Variants in FIP1L1 observed in about 807,000 individuals in gnomAD.
FIP1L1 encodes the protein factor interacting with PAPOLA and CPSF1, also known as pre-mRNA 3'-end-processing factor FIP1.
Under a neutral mutation model 84.6 loss-of-function variants are expected in FIP1L1, and 21 were observed. That is an observed-to-expected ratio of 0.25 (90% CI 0.18 to 0.36). The LOEUF (loss-of-function observed/expected upper bound fraction) is 0.36. Among genes scored for constraint, FIP1L1 ranks in the 10% least tolerant of loss-of-function variants. The pLI is 1.00. For synonymous variants in FIP1L1, 263 were observed against 242.3 expected (o/e 1.09, Z -0.80); for missense variants, 526 against 751.1 (o/e 0.70, Z 3.50).
chr4:53,413,602 T>A lies in FIP1L1; in HGVS notation c.816-1013T>A, dbSNP rs114582803. On this transcript the variant is annotated intron_variant, in intron 10 of 17. Transcript: ENST00000337488. The stretch of plus-strand genomic sequence containing the variant: ...AACAGATTCAGAACTTTTACTGTTA[T>A]AAGAAAACCTATTCAGTAGTTTAGG... 8.0e-3 allele frequency among the ~76,000 whole-genome samples: 1,214 copies of A among 152,242 alleles called. 16 individuals are homozygous for A. The highest frequency in any genetic ancestry group is 0.028 in the African/African-American group (1,147 of 41,556).
intron 10 of FIP1L1, among the ~76,000 whole-genome samples, chr4:53,402,594 C>T (rs1221765578): frequency 6.6e-6 from 1 of 152,046 alleles, no homozygotes; most frequent in African/African-American, 2.4e-5. Context: ...TCAAGCTACT[C>T]GGGAGGCTGA....
At chr4:53,442,627 T>C (rs747498256) in intron 13 of FIP1L1, 26 bp from the exon 14 acceptor site, 2 of 1,553,600 alleles carry the variant, frequency 1.3e-6, no homozygotes, top group Non-Finnish European at 1.8e-6. Flanking sequence ...TGTTAACATT[T>C]TTTATCTTAT....
intron 13 of FIP1L1, among the ~76,000 whole-genome samples, chr4:53,428,446 G>A (rs1223948134): frequency 2.0e-5 from 3 of 152,092 alleles, no homozygotes; most frequent in Admixed American, 1.3e-4. Context: ...CCAAACTTAA[G>A]TTGCTAATAG....
intron 10 of FIP1L1, among the ~76,000 whole-genome samples, chr4:53,407,450 T>C (rs1327358447): frequency 6.6e-6 from 1 of 152,180 alleles, no homozygotes; most frequent in Non-Finnish European, 1.5e-5. Flanking sequence ...AGTTTTGGAA[T>C]AGGTGTGGTG....
intron 13 of FIP1L1, among the ~76,000 whole-genome samples, chr4:53,437,326 CAAAAAAAA>C (rs55957570): frequency 2.8e-4 from 18 of 64,506 alleles, no homozygotes; most frequent in African/African-American, 5.4e-4. Flanking sequence ...CTGTCTCAAC[CAAAAAAAA>C]AAAAAAAAAA....
In FIP1L1 at chr4:53,379,121, A is replaced by G; in HGVS notation, c.130+4A>G. ...AGTGATTTGGCAAAGGACCTAGGTTAGTGCTTGTGATGATCACTTCAGATT... is the reference window on the plus strand; with the variant it reads ...AGTGATTTGGCAAAGGACCTAGGTTGGTGCTTGTGATGATCACTTCAGATT... On this transcript the variant is annotated splice_donor_region_variant and intron_variant, in intron 2 of 17. Transcript: ENST00000337488. 3 of 1,614,058 alleles carry G rather than the reference A, an allele frequency of 1.9e-6. No individual in the cohort carries two copies. Among genetic ancestry groups the G allele is most frequent in the South Asian group, 1.1e-5 (1 of 91,030 alleles).
intron 3 of FIP1L1, among the ~76,000 whole-genome samples, chr4:53,379,503 A>G (rs1736649447): frequency 6.6e-6 from 1 of 152,224 alleles, no homozygotes; most frequent in African/African-American, 2.4e-5. Context: ...CTGATTTTAC[A>G]CTGTTAAGTA....
intron 16 of FIP1L1, among the ~76,000 whole-genome samples, chr4:53,457,221 A>G (rs1349413489): frequency 6.6e-6 from 1 of 152,080 alleles, no homozygotes; most frequent in Non-Finnish European, 1.5e-5. Context: ...GTAATAGGTA[A>G]TAGCCTCGGT....
At chr4:53,440,715 A>G (rs1319969500) in intron 13 of FIP1L1, 4 of 787,322 alleles carry the variant, frequency 5.1e-6, no homozygotes, top group Admixed American at 4.3e-5. Context: ...GGAATAGGCT[A>G]TGGGGATTTC....
At chr4:53,436,994 A>C (rs1379898538) in intron 13 of FIP1L1, among the ~76,000 whole-genome samples, 1 of 152,142 alleles carries the variant, frequency 6.6e-6, no homozygotes, top group Non-Finnish European at 1.5e-5. Flanking sequence ...GTTCGAGACC[A>C]GCCTGGGCAA....
rs562064423 is a variant in FIP1L1, at chr4:53,393,346, T to G, written c.705+1848T>G. 3.9e-4 allele frequency among the ~76,000 whole-genome samples: 59 copies of G among 152,336 alleles called. No individual in the cohort carries two copies. In the South Asian group the frequency reaches 0.012, roughly 30 times the overall value. On this transcript the variant is annotated intron_variant, in intron 9 of 17. Coordinates refer to ENST00000337488, the MANE Select transcript of FIP1L1 (RefSeq NM_030917.4). ...TTCATATCTGCTGCAAATAGAATTTTTTCATCCTTAAGTGTGAGACAGCCC... is the reference window on the plus strand; with the variant it reads ...TTCATATCTGCTGCAAATAGAATTTGTTCATCCTTAAGTGTGAGACAGCCC...
chr4:53,405,556 T>A (rs1452920129), intron 10 of FIP1L1, among the ~76,000 whole-genome samples: 1 of 149,158 alleles, frequency 6.7e-6, no homozygotes, highest in South Asian at 2.2e-4. Context: ...AAGTCATTGG[T>A]AGCTTGATGG....
At chr4:53,449,960 TA>T (rs1007696312) in intron 15 of FIP1L1, among the ~76,000 whole-genome samples, 1 of 152,160 alleles carries the variant, frequency 6.6e-6, no homozygotes, top group Admixed American at 6.5e-5. Flanking sequence ...TGATGCTGTT[TA>T]TGTGTTCTCT....
intron 10 of FIP1L1, among the ~76,000 whole-genome samples, chr4:53,400,371 G>A (rs1401133658): frequency 1.3e-5 from 2 of 152,124 alleles, no homozygotes; most frequent in East Asian, 3.8e-4. Flanking sequence ...GCTAGAAAAT[G>A]TCTTTTTTAC....
chr4:53,453,194 C>T (rs545175182), intron 16 of FIP1L1, 61 bp downstream of exon 16: 68 of 1,583,816 alleles, frequency 4.3e-5, no homozygotes, highest in African/African-American at 2.2e-4. Flanking sequence ...AATTTATTTT[C>T]GTTATGAGGA....
chr4:53,396,957 CT>C (rs1256993691), intron 9 of FIP1L1, among the ~76,000 whole-genome samples: 4 of 152,110 alleles, frequency 2.6e-5, no homozygotes, highest in African/African-American at 9.7e-5. Context: ...AGACTTAATA[CT>C]TTTGGAGAAT....
In FIP1L1 at chr4:53,428,134, T is replaced by C; in HGVS notation, c.1125T>C (p.Leu375=). The change falls in exon 13 of 18, where the codon CTT becomes CTC. Residue 375 remains leucine (L), a synonymous_variant. Coordinates refer to ENST00000337488, the MANE Select transcript of FIP1L1 (RefSeq NM_030917.4). Reference sequence around the variant, plus strand: ...CTCACCTTCCACCTCCTCCATTTCTTCCACCTCCTCCGACTGTCAGCACTG... The same window carrying C: ...CTCACCTTCCACCTCCTCCATTTCTCCCACCTCCTCCGACTGTCAGCACTG... The part of the protein sequence containing the change: ...PPTHLPPPPF[L]PPPPTVSTAP... 2 of 1,608,462 alleles carry C rather than the reference T, an allele frequency of 1.2e-6. No homozygotes were observed. The highest frequency in any genetic ancestry group is 1.7e-6 in the Non-Finnish European group (2 of 1,176,040).
chr4:53,421,049 T>C (rs1384466224), intron 11 of FIP1L1, among the ~76,000 whole-genome samples: 1 of 152,186 alleles, frequency 6.6e-6, no homozygotes, highest in African/African-American at 2.4e-5. Flanking sequence ...TTAAATAGTC[T>C]GGTGTACACC....
rs112019719 is a variant in FIP1L1, at chr4:53,423,463, A to T, written c.924-2409A>T. 6.5e-3 allele frequency among the ~76,000 whole-genome samples: 995 copies of T among 152,352 alleles called. 12 individuals carry two copies. Among genetic ancestry groups the T allele is most frequent in the African/African-American group, 0.023 (960 of 41,572 alleles). ...TAAGCAATGAAAGAAAAAGCTGTCC[A>T]TTAAGAACTTTCGTGGAATAATATG... On this transcript the variant is annotated intron_variant, in intron 11 of 17. Transcript: ENST00000337488.
Sources: allele counts gnomAD v4.1 joint callset (sites outside exome capture counted in the v4.1 genomes callset), GRCh38; gene constraint gnomAD v4.1.1; transcripts MANE v1.5; gene names NCBI Gene and HGNC (gene_info 2026-07-23, HGNC 2026-07-21).